The following LCOR variants were observed in gnomAD, a reference collection of about 807,000 sequenced individuals.
LCOR encodes the protein ligand-dependent corepressor.
LCOR carries 14 observed loss-of-function variants against 64.4 expected under a neutral mutation model. That is an observed-to-expected ratio of 0.22 (90% CI 0.14 to 0.34). LCOR has a LOEUF of 0.34. LCOR is among the 10% of genes least tolerant of loss of function. The probability of loss-of-function intolerance (pLI) is 1.00; values close to 1 mark genes in which losing one functional copy is unlikely to be tolerated. For synonymous variants in LCOR, 643 were observed against 642.5 expected (o/e 1.00, Z -0.01); for missense variants, 1,686 against 1,765.3 (o/e 0.96, Z 0.80).
chr10:96,834,558 G>A lies in LCOR; in HGVS notation c.-330+1079G>A, dbSNP rs191198522. Among the ~76,000 whole-genome samples, 254 of 152,266 alleles carry A rather than the reference G, an allele frequency of 1.7e-3. 1 individual carries two copies. The highest frequency in any genetic ancestry group is 3.1e-3 in the Non-Finnish European group (209 of 68,020). On this transcript the variant is annotated intron_variant, in intron 2 of 7. Transcript: ENST00000421806. ...GAGAGCATATAGCAGGTTTTGAGAA[G>A]CATGAAATTAATGCGTTTTCAGAAT...
intron 6 of LCOR, 51 bp from the exon 7 acceptor site, chr10:96,952,052 C>A: frequency 7.5e-7 from 1 of 1,339,340 alleles, no homozygotes; most frequent in Non-Finnish European, 1.1e-6. Context: ...ATTTAGTTTA[C>A]ATTTGCTCCT....
At chr10:96,854,163 G>C (rs893773758) in intron 2 of LCOR, among the ~76,000 whole-genome samples, 1 of 152,050 alleles carries the variant, frequency 6.6e-6, no homozygotes, top group Non-Finnish European at 1.5e-5. Context: ...TATCTCATTG[G>C]CTAAATGAGA....
Position 96,981,560 on chromosome 10 carries a change from A to G in LCOR, c.1100A>G (p.Glu367Gly). 1.2e-6 allele frequency: 2 copies of G among 1,614,260 alleles called. No individual in the cohort carries two copies. The highest frequency in any genetic ancestry group is 1.7e-6 in the Non-Finnish European group (2 of 1,180,038). The change falls in exon 8 of 8, where the codon GAG becomes GGG. Residue 367 changes from glutamate (E) to glycine (G), a missense_variant. Physicochemically the swap from Glu to Gly is moderately conservative, Grantham distance 98 (BLOSUM62 -2). Transcript: ENST00000421806. ...AACTCATCTAGAACTGCTGACAAAG[A>G]GAATACTTTACAGTGTCCAAAAACA... ...MGNSSRTADK[E>G]NTLQCPKTPL... is the part of the protein sequence containing the mutation.
chr10:96,907,569 CTACT>C (rs745974878), intron 3 of LCOR, 95 bp from the exon 4 acceptor site: 11 of 393,230 alleles, frequency 2.8e-5, no homozygotes, highest in Non-Finnish European at 3.8e-5. Flanking sequence ...TATGGCCTAA[CTACT>C]TAGTTTTTTG....
At chr10:96,863,961 C>A (rs982410812) in intron 2 of LCOR, among the ~76,000 whole-genome samples, 1 of 152,096 alleles carries the variant, frequency 6.6e-6, no homozygotes, top group Non-Finnish European at 1.5e-5. Flanking sequence ...CTGTTCTGAG[C>A]TTGTTGGTAG....
At chr10:96,958,048 G>A (rs1205587283) in intron 7 of LCOR, 1 of 1,032,326 alleles carries the variant, frequency 9.7e-7, no homozygotes, top group African/African-American at 1.7e-5. Context: ...AAAGGGCTAA[G>A]CTTATGAAGG....
Position 96,982,970 on chromosome 10 carries a change from A to T in LCOR, c.2510A>T (p.Asp837Val), listed in dbSNP as rs141363886. ...AGATGCCTAAGAAATCAGAGTTCAG[A>T]TTCTTCCTCAGCTTGTCTTGAAATC... ...ADRCLRNQSS[D>V]SSSACLEIKV... Residue 837 changes from aspartate (D) to valine (V), a missense_variant, in exon 8 of 8, where the codon GAT becomes GTT. Around this residue, in one of 3 missense-constraint regions of LCOR, gnomAD observed 1,293 missense variants for 1,410.4 expected, o/e 0.92. Transcript: ENST00000421806. 1.4e-5 allele frequency: 22 copies of T among 1,612,898 alleles called. No individual in the cohort carries two copies. In the African/African-American group the frequency reaches 2.9e-4, roughly 22 times the overall value.
Position 96,980,904 on chromosome 10 carries a change from T to A in LCOR, c.444T>A (p.Val148=). Residue 148 remains valine (V), a synonymous_variant, in exon 8 of 8, where the codon GTT becomes GTA. Coordinates refer to ENST00000421806, the MANE Select transcript of LCOR (RefSeq NM_001346516.2). ...ATCATCAAAAGCAATTCATTCGTGT[T>A]CTGAACGACCTGTACACTGAATCTC... ...CTHHQKQFIR[V]LNDLYTESQP... is the part of the protein sequence containing the mutation. 1.4e-6 allele frequency: 1 copy of A among 703,036 alleles called. No homozygotes were observed. The highest frequency in any genetic ancestry group is 2.6e-6 in the Non-Finnish European group (1 of 385,006). 43.5% of individuals were successfully genotyped at this position (703,036 alleles called of 1,614,324 possible).
intron 7 of LCOR, chr10:96,956,546 T>A: frequency 2.0e-6 from 2 of 985,458 alleles, no homozygotes; most frequent in Non-Finnish European, 2.4e-6. Context: ...TAAATTTATT[T>A]AAATTAGCAA....
chr10:96,846,455 T>C (rs1205341787), intron 2 of LCOR, among the ~76,000 whole-genome samples: 1 of 152,086 alleles, frequency 6.6e-6, no homozygotes, highest in Non-Finnish European at 1.5e-5. Flanking sequence ...TGTCCCTATG[T>C]TGCCCAGGCT....
At chr10:96,954,999 G>A (rs1847742767) in intron 7 of LCOR, 1 of 1,613,962 alleles carries the variant, frequency 6.2e-7, no homozygotes. Context: ...ACTTCGGAGT[G>A]GTGATGGGGT....
At chr10:96,863,437 C>G (rs528108399) in intron 2 of LCOR, among the ~76,000 whole-genome samples, 5 of 152,284 alleles carry the variant, frequency 3.3e-5, no homozygotes, top group African/African-American at 1.2e-4. Flanking sequence ...CTCCTGACCT[C>G]AAGTGATCTA....
At chr10:96,872,422 G>C (rs1432011541) in intron 2 of LCOR, among the ~76,000 whole-genome samples, 1 of 152,248 alleles carries the variant, frequency 6.6e-6, no homozygotes, top group Non-Finnish European at 1.5e-5. Flanking sequence ...GCTGGGTGTG[G>C]TGGCTCACAC....
At position 96,995,542 on chromosome 10, in the gene LCOR, A is replaced by G. The variant is rs577889265; in HGVS notation, c.*10408A>G. The G allele has an allele frequency of 2.0e-5, 3 of 152,342 alleles. No individual in the cohort carries two copies. Among genetic ancestry groups the G allele is most frequent in the African/African-American group, 4.8e-5 (2 of 41,590 alleles). The allele number at this position is 152,342 out of a possible 1,614,324, so 9.4% of individuals were successfully genotyped here. A position where few individuals can be genotyped will look rare whatever the true frequency, so the allele number is the denominator to read the frequency against. On this transcript the variant is annotated 3_prime_UTR_variant, in exon 8 of 8. Coordinates refer to ENST00000421806, the MANE Select transcript of LCOR (RefSeq NM_001346516.2). This position sits in a 1 kb window ranked among gnomAD's most constrained non-coding sequence, Gnocchi z 4.2. Reference sequence around the variant, plus strand: ...AAACATTGAAATTTTTCATTAGACAATGTTTACATACCTCACCTGAAGAAC... The same window carrying G: ...AAACATTGAAATTTTTCATTAGACAGTGTTTACATACCTCACCTGAAGAAC...
At chr10:96,867,857 T>G (rs1190607050) in intron 2 of LCOR, among the ~76,000 whole-genome samples, 2 of 152,134 alleles carry the variant, frequency 1.3e-5, no homozygotes, top group Non-Finnish European at 1.5e-5. Context: ...TACTGGAATT[T>G]TAACAACGAT....
At chr10:96,972,380 G>GA (rs1270191178) in intron 7 of LCOR, among the ~76,000 whole-genome samples, 1 of 151,854 alleles carries the variant, frequency 6.6e-6, no homozygotes, top group African/African-American at 2.4e-5. Flanking sequence ...TTTGGTAGGG[G>GA]AAAAAAACCA....
chr10:96,842,175 C>G (rs1419575039), intron 2 of LCOR, among the ~76,000 whole-genome samples: 2 of 152,068 alleles, frequency 1.3e-5, no homozygotes, highest in Non-Finnish European at 2.9e-5. Context: ...GCGGGTGGAT[C>G]ACGAGGTCAA....
intron 4 of LCOR, among the ~76,000 whole-genome samples, chr10:96,931,230 ATT>A (rs796643815): frequency 4.5e-5 from 6 of 132,702 alleles, no homozygotes; most frequent in East Asian, 4.3e-4. Flanking sequence ...AAGCACTGGT[ATT>A]TTTTTTTTTT....
At position 96,872,209 on chromosome 10, in the gene LCOR, T is replaced by G. The variant is rs146179893; in HGVS notation, c.-329-35056T>G. ...GTGAACTCTATTGTGAGGGCACATA[T>G]GGCTTATGCCATTACCGCAGTGTCA... On this transcript the variant is annotated intron_variant, in intron 2 of 7. Coordinates refer to ENST00000421806, the MANE Select transcript of LCOR (RefSeq NM_001346516.2). 3.5e-3 allele frequency among the ~76,000 whole-genome samples: 535 copies of G among 152,374 alleles called. 5 individuals carry two copies. Among genetic ancestry groups the G allele is most frequent in the Admixed American group, 1.0e-2 (153 of 15,308 alleles).
Sources: allele counts gnomAD v4.1 joint callset (sites outside exome capture counted in the v4.1 genomes callset), GRCh38; gene constraint gnomAD v4.1.1; regional missense constraint gnomAD v4.1.1; non-coding constraint Gnocchi (gnomAD v3.1); transcripts MANE v1.5; gene names NCBI Gene and HGNC (gene_info 2026-07-23, HGNC 2026-07-21).